Variants in ASAP3 observed in about 807,000 individuals in gnomAD.
ASAP3 encodes the protein arf-GAP with SH3 domain, ANK repeat and PH domain-containing protein 3.
In ASAP3, 85 loss-of-function variants were observed where a neutral mutation model predicts 118.2. That is an observed-to-expected ratio of 0.72 (90% CI 0.60 to 0.86). The LOEUF (loss-of-function observed/expected upper bound fraction) is 0.86. ASAP3 is among the 40% of genes least tolerant of loss of function. The probability of loss-of-function intolerance (pLI) is 0.00; values close to 1 mark genes in which losing one functional copy is unlikely to be tolerated. For synonymous variants in ASAP3, 432 were observed against 477.4 expected, an observed-to-expected ratio of 0.90 and a Z score of 1.24; for missense variants, 1,026 against 1,175.0, an observed-to-expected ratio of 0.87 and a Z score of 1.85.
intron 1 of ASAP3, among the ~76,000 whole-genome samples, chr1:23,474,593 T>A (rs1223847458): frequency 2.0e-5 from 3 of 152,200 alleles, no homozygotes; most frequent in Admixed American, 6.5e-5. Context: ...TATTTATTTT[T>A]ATTTTTTTGA....
chr1:23,484,169 C>T lies in ASAP3; in HGVS notation c.-36G>A. The T allele has an allele frequency of 8.0e-7, 1 of 1,245,794 alleles. No homozygotes were observed. The highest frequency in any genetic ancestry group is 1.0e-6 in the Non-Finnish European group (1 of 995,280). 77.2% of individuals were successfully genotyped at this position (1,245,794 alleles called of 1,614,324 possible). The stretch of plus-strand genomic sequence containing the variant: ...AGCGTGGAGCTGCCGGAGCGGGGCG[C>T]GGGGGGCACTGAGCTGCTCCGCGCT... On this transcript the variant is annotated 5_prime_UTR_variant, in exon 1 of 25. Coordinates refer to ENST00000336689, the MANE Select transcript of ASAP3 (RefSeq NM_017707.4).
chr1:23,438,821 G>T lies in ASAP3; in HGVS notation c.1028C>A (p.Pro343Gln), dbSNP rs767252554. The T allele has an allele frequency of 6.2e-7, 1 of 1,613,718 alleles. No homozygotes were observed. The highest frequency in any genetic ancestry group is 1.3e-5 in the African/African-American group (1 of 74,916). ...TISHSTINRP[P>Q]VKLTLLTCQV... Reference sequence around the variant, plus strand: ...GCACGTCAGCAGGGTCAGCTTCACCGGGGGCCGGTTTATCTGTGGGAATTT... The same window carrying T: ...GCACGTCAGCAGGGTCAGCTTCACCTGGGGCCGGTTTATCTGTGGGAATTT... Residue 343 changes from proline to glutamine, a missense_variant, in exon 12 of 25, where the codon CCG (proline) becomes CAG (glutamine). Physicochemically the swap from Pro to Gln is moderately conservative, Grantham distance 76. Coordinates refer to ENST00000336689, the MANE Select transcript of ASAP3 (RefSeq NM_017707.4). This position sits in a 1 kb window ranked among gnomAD's most constrained non-coding sequence, Gnocchi z 4.9.
At chr1:23,449,297 T>C (rs951843359) in intron 5 of ASAP3, among the ~76,000 whole-genome samples, 4 of 152,158 alleles carry the variant, frequency 2.6e-5, no homozygotes, top group African/African-American at 7.2e-5. Context: ...CATCGCCGCA[T>C]TGACCCTGAA....
intron 1 of ASAP3, among the ~76,000 whole-genome samples, chr1:23,464,417 C>T (rs1437269163): frequency 2.0e-5 from 3 of 151,738 alleles, no homozygotes; most frequent in Admixed American, 6.6e-5. Flanking sequence ...AAACTCCTGA[C>T]CTCAACTGAT....
At position 23,433,475 on chromosome 1, in the gene ASAP3, C is replaced by T. The variant is rs202006565; in HGVS notation, c.2077G>A (p.Val693Ile). The change falls in exon 21 of 25, where the codon GTA becomes ATA. Residue 693 changes from valine (V) to isoleucine (I), a missense_variant. Val to Ile is a conservative substitution (Grantham distance 29, BLOSUM62 3). Transcript: ENST00000336689. ...AFPLHVDYSW[V>I]ISTEPGSDSE... The stretch of plus-strand genomic sequence containing the variant: ...TCAGAGCCAGGCTCTGTGGAAATTA[C>T]CCAGGAGTAGTCCACATGTAGAGGG... 1.8e-5 allele frequency: 29 copies of T among 1,614,084 alleles called. No homozygotes were observed. Among genetic ancestry groups the T allele is most frequent in the Non-Finnish European group, 2.4e-5 (28 of 1,180,048 alleles).
Position 23,456,213 on chromosome 1 carries a change from A to G in ASAP3, c.130-19T>C. The G allele has an allele frequency of 6.2e-7, 1 of 1,612,944 alleles. No individual in the cohort carries two copies. Among genetic ancestry groups the G allele is most frequent in the Non-Finnish European group, 8.5e-7 (1 of 1,179,190 alleles). On this transcript the variant is annotated intron_variant, in intron 1 of 24. Transcript: ENST00000336689. ...CCAAGATCTGGAAGCAAATGTGGAC[A>G]GAGGTTCAGGGATGCCAAGCTGGAA...
At chr1:23,451,228 C>A (rs571481010) in intron 5 of ASAP3, among the ~76,000 whole-genome samples, 1 of 152,326 alleles carries the variant, frequency 6.6e-6, no homozygotes, top group Non-Finnish European at 1.5e-5. Flanking sequence ...CTGCCCATGT[C>A]TGGCACCACT....
chr1:23,433,648 T>C lies in ASAP3; in HGVS notation c.1997A>G (p.His666Arg). Residue 666 changes from histidine to arginine, a missense_variant, in exon 20 of 25, where the codon CAC (histidine) becomes CGC (arginine). Coordinates refer to ENST00000336689, the MANE Select transcript of ASAP3 (RefSeq NM_017707.4). The part of the protein sequence containing the change: ...ETALDIARKK[H>R]HKECEELLEQ... ...CACCAGCTCCTCACACTCCTTGTGG[T>C]GCTTCTTCCTGGCTATGTCCAGAGC... 6.2e-7 allele frequency: 1 copy of C among 1,614,264 alleles called. No homozygotes were observed.
At chr1:23,456,539 C>T (rs1641394495) in intron 1 of ASAP3, among the ~76,000 whole-genome samples, 1 of 152,188 alleles carries the variant, frequency 6.6e-6, no homozygotes, top group Non-Finnish European at 1.5e-5. Context: ...GTCCGTTAGA[C>T]AAATCTGTTA....
chr1:23,449,901 C>T (rs16828528), intron 5 of ASAP3, among the ~76,000 whole-genome samples: 1,705 of 152,266 alleles, frequency 0.011, 37 homozygotes, highest in African/African-American at 0.038. Flanking sequence ...AGACGATCCC[C>T]GAAAGTCTAA....
At chr1:23,464,193 AT>A (rs1051541973) in intron 1 of ASAP3, among the ~76,000 whole-genome samples, 9 of 144,208 alleles carry the variant, frequency 6.2e-5, no homozygotes, top group Admixed American at 1.4e-4. Flanking sequence ...AAAAAAAAAA[AT>A]TTTTTTTTTT....
chr1:23,436,380 C>A lies in ASAP3; in HGVS notation c.1571+180G>T, dbSNP rs563844606. Among the ~76,000 whole-genome samples the A allele has an allele frequency of 5.5e-4, 84 of 152,340 alleles. No homozygotes were observed. The highest frequency in any genetic ancestry group is 5.2e-3 in the South Asian group (25 of 4,828). Reference sequence around the variant, plus strand: ...GTTTTGCCATCTTAGCCGGGCTGGTCTCAAATTCCTGACCTCAAGTGATCC... The same window carrying A: ...GTTTTGCCATCTTAGCCGGGCTGGTATCAAATTCCTGACCTCAAGTGATCC... On this transcript the variant is annotated intron_variant, in intron 16 of 24. Coordinates refer to ENST00000336689, the MANE Select transcript of ASAP3 (RefSeq NM_017707.4). This position sits in a 1 kb window ranked among gnomAD's most constrained non-coding sequence, Gnocchi z 4.2.
chr1:23,431,245 G>A (rs1426074158), intron 23 of ASAP3, 120 bp from the exon 24 acceptor site: 3 of 986,564 alleles, frequency 3.0e-6, no homozygotes, highest in East Asian at 5.3e-5. Flanking sequence ...GAGTCCACAA[G>A]GCCCCCAGGC....
chr1:23,460,506 C>CAAAAAAAAAAAAA (rs71023213), intron 1 of ASAP3, among the ~76,000 whole-genome samples: 3 of 84,782 alleles, frequency 3.5e-5, no homozygotes, highest in Non-Finnish European at 6.7e-5. Flanking sequence ...GACTCCATCT[C>CAAAAAAAAAAAAA]AAAAAAAAAA....
chr1:23,433,651 T>G lies in ASAP3; in HGVS notation c.1994A>C (p.Lys665Thr). Reference protein sequence around the residue: ...GETALDIARKKHHKECEELLE... With the variant: ...GETALDIARKTHHKECEELLE... ...CAGCTCCTCACACTCCTTGTGGTGC[T>G]TCTTCCTGGCTATGTCCAGAGCTGT... The change falls in exon 20 of 25, where the codon AAG becomes ACG. Residue 665 changes from lysine (K) to threonine (T), a missense_variant. Transcript: ENST00000336689. 1 of 1,614,236 alleles carries G rather than the reference T, an allele frequency of 6.2e-7. No individual in the cohort carries two copies. Among genetic ancestry groups the G allele is most frequent in the Non-Finnish European group, 8.5e-7 (1 of 1,180,042 alleles).
intron 1 of ASAP3, among the ~76,000 whole-genome samples, chr1:23,476,859 GCTC>G (rs1642144432): frequency 6.6e-6 from 1 of 151,622 alleles, no homozygotes; most frequent in African/African-American, 2.4e-5. Context: ...CTCTATGAAT[GCTC>G]CTTTTTAGTT....
intron 10 of ASAP3, among the ~76,000 whole-genome samples, chr1:23,440,578 C>T (rs898903426): frequency 1.6e-3 from 215 of 135,206 alleles, no homozygotes; most frequent in African/African-American, 5.5e-3. Flanking sequence ...TACTGCCAGC[C>T]GGGCGCGGTG....
chr1:23,437,335 C>A lies in ASAP3; in HGVS notation c.1152-15G>T, dbSNP rs114552291. Reference sequence around the variant, plus strand: ...CTGACACCCACCTGCGGAGATTGAACGGGGTGGGATGGGGATGTCAAGTGG... The same window carrying A: ...CTGACACCCACCTGCGGAGATTGAAAGGGGTGGGATGGGGATGTCAAGTGG... On this transcript the variant is annotated splice_polypyrimidine_tract_variant and intron_variant, in intron 13 of 24. Coordinates refer to ENST00000336689, the MANE Select transcript of ASAP3 (RefSeq NM_017707.4). This position sits in a 1 kb window ranked among gnomAD's most constrained non-coding sequence, Gnocchi z 6.1. 1.4e-3 allele frequency: 2,276 copies of A among 1,608,578 alleles called. 20 individuals carry two copies. In the African/African-American group the frequency reaches 0.027, roughly 19 times the overall value.
intron 20 of ASAP3, 23 bp downstream of exon 20, chr1:23,433,603 C>T: frequency 6.2e-7 from 1 of 1,614,160 alleles, no homozygotes; most frequent in Non-Finnish European, 8.5e-7. Flanking sequence ...AGTCAGGGGC[C>T]CCTTGCCTCC....
Sources: gnomAD v4.1 joint callset for allele counts (sites outside exome capture counted in the v4.1 genomes callset) on GRCh38, gnomAD v4.1.1 for gene constraint, Gnocchi (gnomAD v3.1) non-coding constraint, MANE v1.5 for transcripts, NCBI Gene and HGNC (gene_info 2026-07-23, HGNC 2026-07-21) for gene names.